Variants in SDK1 observed in about 807,000 individuals in gnomAD.
The protein encoded by SDK1 is protein sidekick-1.
In SDK1, 157 loss-of-function variants were observed where a neutral mutation model predicts 245.5. The ratio of observed to expected loss-of-function variants is 0.64; its 90% confidence interval spans 0.56 to 0.73. SDK1 has a LOEUF of 0.73. Among genes scored for constraint, SDK1 ranks in the 30% least tolerant of loss-of-function variants. The pLI is 0.00. For missense variants in SDK1, 3,583 were observed against 3,002.3 expected, an observed-to-expected ratio of 1.19 and a Z score of -4.52; for synonymous variants, 1,647 against 1,278.5, an observed-to-expected ratio of 1.29 and a Z score of -6.15.
At chr7:4,166,704 GA>G (rs777747306) in intron 32 of SDK1, among the ~76,000 whole-genome samples, 1 of 152,212 alleles carries the variant, frequency 6.6e-6, no homozygotes, top group Non-Finnish European at 1.5e-5. Context: ...CGGCCCGGGG[GA>G]CCACGGTGGC....
chr7:3,728,662 G>A (rs1779083419), intron 4 of SDK1, among the ~76,000 whole-genome samples: 1 of 152,184 alleles, frequency 6.6e-6, no homozygotes, highest in Non-Finnish European at 1.5e-5. Context: ...CTGGATTACA[G>A]TGGCACGATC....
chr7:3,803,384 C>G (rs1177740708), intron 4 of SDK1, among the ~76,000 whole-genome samples: 1 of 150,432 alleles, frequency 6.6e-6, no homozygotes. Context: ...GATCTTGGCT[C>G]ACTGCAACCT....
chr7:3,697,899 C>G (rs1277348779), intron 4 of SDK1, among the ~76,000 whole-genome samples: 1 of 152,124 alleles, frequency 6.6e-6, no homozygotes, highest in Non-Finnish European at 1.5e-5. Context: ...CTGAGTACAG[C>G]TAAAAACTGT....
At chr7:3,542,805 A>G (rs1057363285) in intron 1 of SDK1, among the ~76,000 whole-genome samples, 2 of 152,192 alleles carry the variant, frequency 1.3e-5, no homozygotes, top group African/African-American at 4.8e-5. Flanking sequence ...GCTTCTTTCA[A>G]GTGTAGAGAG....
intron 1 of SDK1, among the ~76,000 whole-genome samples, chr7:3,345,989 T>A (rs1780482212): frequency 6.6e-6 from 1 of 152,190 alleles, no homozygotes. Context: ...AAAACAGTTC[T>A]TTTAGAATAA....
chr7:3,515,554 A>G (rs1011740820), intron 1 of SDK1, among the ~76,000 whole-genome samples: 8 of 152,178 alleles, frequency 5.3e-5, no homozygotes, highest in African/African-American at 1.9e-4. Context: ...TGATCAAATC[A>G]AGTGTTCTCT....
intron 22 of SDK1, among the ~76,000 whole-genome samples, chr7:4,080,520 A>T (rs1780988414): frequency 6.6e-6 from 1 of 152,226 alleles, no homozygotes; most frequent in Non-Finnish European, 1.5e-5. Context: ...GCCGTAAATT[A>T]GGGAACAAAT....
At chr7:3,727,301 C>G (rs1779039077) in intron 4 of SDK1, among the ~76,000 whole-genome samples, 1 of 152,190 alleles carries the variant, frequency 6.6e-6, no homozygotes, top group African/African-American at 2.4e-5. Context: ...GTCTTCTCAT[C>G]TAATGTGTAA....
At chr7:3,953,908 A>G (rs1233158663) in intron 7 of SDK1, among the ~76,000 whole-genome samples, 1 of 152,172 alleles carries the variant, frequency 6.6e-6, no homozygotes, top group Non-Finnish European at 1.5e-5. Context: ...AACCCTGAAG[A>G]GAGTGTCTGT....
intron 35 of SDK1, among the ~76,000 whole-genome samples, chr7:4,196,481 G>A (rs1017169344): frequency 3.9e-5 from 6 of 152,130 alleles, no homozygotes; most frequent in Admixed American, 2.6e-4. Flanking sequence ...CGTCTCTCCC[G>A]GGCCTTTGAA....
At chr7:3,531,022 G>C (rs747366567) in intron 1 of SDK1, among the ~76,000 whole-genome samples, 1 of 152,146 alleles carries the variant, frequency 6.6e-6, no homozygotes, top group African/African-American at 2.4e-5. Context: ...TAAGCTATTA[G>C]AATATTCTGT....
intron 1 of SDK1, among the ~76,000 whole-genome samples, chr7:3,500,689 T>C (rs934375014): frequency 1.3e-5 from 2 of 152,182 alleles, no homozygotes; most frequent in Non-Finnish European, 2.9e-5. Flanking sequence ...CAAATTTCTT[T>C]TATTTCTAAG....
At chr7:3,505,062 C>G (rs1366452530) in intron 1 of SDK1, among the ~76,000 whole-genome samples, 2 of 152,158 alleles carry the variant, frequency 1.3e-5, no homozygotes, top group Non-Finnish European at 2.9e-5. Flanking sequence ...GGTAAGCCCC[C>G]TTGACTATTA....
chr7:3,973,140 G>C (rs545019236), intron 12 of SDK1, among the ~76,000 whole-genome samples: 1 of 152,176 alleles, frequency 6.6e-6, no homozygotes, highest in South Asian at 2.1e-4. Context: ...GGTGCCCCTC[G>C]TCCCAGGGTT....
intron 1 of SDK1, among the ~76,000 whole-genome samples, chr7:3,516,997 C>T (rs922216134): frequency 7.9e-5 from 12 of 152,038 alleles, no homozygotes; most frequent in African/African-American, 1.4e-4. Context: ...GTGTGTGTGC[C>T]TTTTATTGTG....
At chr7:3,603,736 A>C (rs187960968) in intron 1 of SDK1, among the ~76,000 whole-genome samples, 188 of 152,288 alleles carry the variant, frequency 1.2e-3, no homozygotes, top group Middle Eastern at 3.4e-3. Context: ...AGGAGTGCTG[A>C]GAGAGGGCAT....
At chr7:3,535,150 C>T (rs1378727741) in intron 1 of SDK1, among the ~76,000 whole-genome samples, 4 of 152,106 alleles carry the variant, frequency 2.6e-5, no homozygotes, top group African/African-American at 9.7e-5. Flanking sequence ...GTGATACGCA[C>T]CTGTAATCCC....
At chr7:3,615,504 C>G (rs572743459) in intron 1 of SDK1, among the ~76,000 whole-genome samples, 2 of 151,778 alleles carry the variant, frequency 1.3e-5, no homozygotes, top group African/African-American at 2.4e-5. Flanking sequence ...GCATCTAACA[C>G]TTTACTGCTT....
Position 4,142,548 on chromosome 7 carries a change from C to T in SDK1, c.4229-3174C>T, listed in dbSNP as rs531574751. 2.6e-4 allele frequency among the ~76,000 whole-genome samples: 40 copies of T among 152,016 alleles called. 1 individual carries two copies. Among genetic ancestry groups the T allele is most frequent in the African/African-American group, 8.9e-4 (37 of 41,458 alleles). Reference sequence around the variant, plus strand: ...TTCACCATTTTGGTCAGGCTGGCCTCGAACTCCTGACCTTGTGATCCGCCC... The same window carrying T: ...TTCACCATTTTGGTCAGGCTGGCCTTGAACTCCTGACCTTGTGATCCGCCC... On this transcript the variant is annotated intron_variant, in intron 28 of 44. Transcript: ENST00000404826.
Sources: allele counts gnomAD v4.1 joint callset (sites outside exome capture counted in the v4.1 genomes callset), GRCh38; gene constraint gnomAD v4.1.1; transcripts MANE v1.5; gene names NCBI Gene and HGNC (gene_info 2026-07-23, HGNC 2026-07-21).